The following NAA15 variants were observed in gnomAD, a reference collection of about 807,000 sequenced individuals.
The protein encoded by NAA15 is N-terminal acetyltransferase.
A neutral mutation model predicts 114.0 loss-of-function variants in NAA15; 34 were observed. The ratio of observed to expected loss-of-function variants is 0.30; its 90% CI spans 0.23 to 0.40. The LOEUF (loss-of-function observed/expected upper bound fraction) is 0.40. NAA15 is among the 10% of genes least tolerant of loss of function. The probability of loss-of-function intolerance (pLI) is 1.00; values close to 1 mark genes in which losing one functional copy is unlikely to be tolerated. For synonymous variants in NAA15, 340 were observed against 338.0 expected (o/e 1.01, Z -0.06); for missense variants, 658 against 1,004.5 (o/e 0.66, Z 4.66).
intron 15 of NAA15, among the ~76,000 whole-genome samples, chr4:139,375,015 C>T (rs1411296402): frequency 6.6e-6 from 1 of 152,176 alleles, no homozygotes; most frequent in Non-Finnish European, 1.5e-5. Context: ...GGTCAATACA[C>T]TGACCCTCAT....
At chr4:139,381,245 T>C (rs1748746804) in intron 17 of NAA15, among the ~76,000 whole-genome samples, 1 of 152,188 alleles carries the variant, frequency 6.6e-6, no homozygotes. Flanking sequence ...TTAAAGTTTT[T>C]TATGATTTTA....
chr4:139,364,929 G>A (rs1413966968), intron 14 of NAA15, among the ~76,000 whole-genome samples: 1 of 152,160 alleles, frequency 6.6e-6, no homozygotes, highest in East Asian at 1.9e-4. Context: ...ATGTCTTCTG[G>A]TATGGTTAGA....
At chr4:139,307,392 C>T (rs554668346) in intron 1 of NAA15, among the ~76,000 whole-genome samples, 1 of 152,168 alleles carries the variant, frequency 6.6e-6, no homozygotes, top group Non-Finnish European at 1.5e-5. Context: ...GCTCAGTCTC[C>T]CGAGTAGCTG....
At chr4:139,361,997 T>G in intron 14 of NAA15, 60 bp downstream of exon 14, 1 of 1,246,338 alleles carries the variant, frequency 8.0e-7, no homozygotes. Context: ...ATGTGTATTA[T>G]GTTTTTCATT....
intron 6 of NAA15, among the ~76,000 whole-genome samples, chr4:139,346,195 G>C (rs1177814809): frequency 1.3e-5 from 2 of 152,152 alleles, no homozygotes; most frequent in Non-Finnish European, 2.9e-5. Context: ...AACATGAATA[G>C]TTCACATCAA....
chr4:139,316,581 T>C (rs1291324652), intron 1 of NAA15, among the ~76,000 whole-genome samples: 2 of 151,976 alleles, frequency 1.3e-5, no homozygotes, highest in African/African-American at 4.8e-5. Context: ...TATTACATCT[T>C]TTCTCTGTAA....
chr4:139,318,983 A>C (rs894771150), intron 1 of NAA15, among the ~76,000 whole-genome samples: 4 of 152,168 alleles, frequency 2.6e-5, no homozygotes, highest in African/African-American at 9.6e-5. Flanking sequence ...AGTTTGGATC[A>C]GTATATCTAA....
chr4:139,378,981 G>A, intron 17 of NAA15, 127 bp downstream of exon 17: 2 of 570,992 alleles, frequency 3.5e-6, no homozygotes, highest in South Asian at 5.3e-5. Context: ...TTAGCTAAGG[G>A]AAAAGCAGGG....
intron 1 of NAA15, among the ~76,000 whole-genome samples, chr4:139,333,721 G>A (rs1335418710): frequency 6.6e-6 from 1 of 152,026 alleles, no homozygotes; most frequent in Admixed American, 6.6e-5. Flanking sequence ...GCAACATAGT[G>A]AGTCCCTGTC....
chr4:139,348,017 C>T (rs1033376137), intron 6 of NAA15, among the ~76,000 whole-genome samples: 1 of 137,006 alleles, frequency 7.3e-6, no homozygotes, highest in African/African-American at 2.8e-5. Flanking sequence ...CCGGCCTGGG[C>T]GACAGAGCGA....
intron 2 of NAA15, among the ~76,000 whole-genome samples, chr4:139,335,763 GT>G (rs764188558): frequency 5.3e-4 from 75 of 140,632 alleles, no homozygotes; most frequent in South Asian, 1.4e-3. Context: ...TTCATTGAAA[GT>G]TTTTTTTTTT....
At chr4:139,380,228 A>G (rs1456050120) in intron 17 of NAA15, among the ~76,000 whole-genome samples, 1 of 149,322 alleles carries the variant, frequency 6.7e-6, no homozygotes, top group Admixed American at 6.7e-5. Context: ...GAATTGCTGT[A>G]TTTAGTAGTT....
chr4:139,371,506 C>CACACACACACAA (rs1310200816), intron 15 of NAA15, among the ~76,000 whole-genome samples: 2 of 125,258 alleles, frequency 1.6e-5, no homozygotes, highest in Admixed American at 7.3e-5. Context: ...AGCACACACA[C>CACACACACACAA]ACACACACAC....
At chr4:139,372,558 C>T (rs1050466435) in intron 15 of NAA15, among the ~76,000 whole-genome samples, 16 of 152,192 alleles carry the variant, frequency 1.1e-4, no homozygotes, top group African/African-American at 3.9e-4. Flanking sequence ...CCTCAGCTAA[C>T]TTCCTCCAAG....
intron 14 of NAA15, among the ~76,000 whole-genome samples, chr4:139,369,140 T>G (rs971313053): frequency 1.4e-4 from 21 of 152,202 alleles, no homozygotes; most frequent in Non-Finnish European, 7.3e-5. Context: ...AGCTCATAGC[T>G]TAAAAGAGAG....
intron 6 of NAA15, among the ~76,000 whole-genome samples, chr4:139,347,626 A>G (rs992010908): frequency 1.3e-5 from 2 of 152,194 alleles, no homozygotes; most frequent in African/African-American, 4.8e-5. Flanking sequence ...TGGGTGACAG[A>G]ATGAGATCCT....
Position 139,390,391 on chromosome 4 carries a change from T to C in NAA15, c.*2307T>C, listed in dbSNP as rs1749029097. 1 of 152,636 alleles carries C rather than the reference T, an allele frequency of 6.6e-6. No individual in the cohort carries two copies. Among genetic ancestry groups the C allele is most frequent in the Non-Finnish European group, 1.5e-5 (1 of 68,024 alleles). 9.5% of individuals were successfully genotyped at this position (152,636 alleles called of 1,614,324 possible). A position where few individuals can be genotyped will look rare whatever the true frequency, so the allele number is the denominator to read the frequency against. ...TCACCCCTGAAACACTGTACTGTAC[T>C]ATCTTGCTCTGAGTAGTATCAACTG... On this transcript the variant is annotated 3_prime_UTR_variant, in exon 20 of 20. Coordinates refer to ENST00000296543, the MANE Select transcript of NAA15 (RefSeq NM_057175.5).
intron 2 of NAA15, 30 bp downstream of exon 2, chr4:139,334,288 A>G (rs1051032839): frequency 6.4e-6 from 9 of 1,415,490 alleles, no homozygotes; most frequent in Non-Finnish European, 8.7e-6. Flanking sequence ...GCTTTACTAC[A>G]TACCTGTCTG....
At chr4:139,304,064 C>G (rs941677766) in intron 1 of NAA15, among the ~76,000 whole-genome samples, 1 of 152,146 alleles carries the variant, frequency 6.6e-6, no homozygotes, top group Non-Finnish European at 1.5e-5. Flanking sequence ...ACTACAGGTG[C>G]CCGCCACCAC....
Sources: gnomAD v4.1 joint callset for allele counts (sites outside exome capture counted in the v4.1 genomes callset) on GRCh38, gnomAD v4.1.1 for gene constraint, MANE v1.5 for transcripts, NCBI Gene and HGNC (gene_info 2026-07-23, HGNC 2026-07-21) for gene names.